The following TLN2 variants were observed in gnomAD, a reference collection of about 807,000 sequenced individuals.
TLN2 encodes the protein talin 2.
A neutral mutation model predicts 294.7 loss-of-function variants in TLN2; 118 were observed. That is an observed-to-expected ratio of 0.40 (90% CI 0.34 to 0.47). The LOEUF (loss-of-function observed/expected upper bound fraction) is 0.47. Among genes scored for constraint, TLN2 ranks in the 20% least tolerant of loss-of-function variants. TLN2 has a pLI of 0.84. For synonymous variants in TLN2, 1,431 were observed against 1,304.5 expected (o/e 1.10, Z -2.09); for missense variants, 3,083 against 3,282.2 (o/e 0.94, Z 1.48).
At chr15:62,817,814 C>CTTTTTT (rs1179496167) in intron 52 of TLN2, among the ~76,000 whole-genome samples, 16 of 115,742 alleles carry the variant, frequency 1.4e-4, no homozygotes, top group East Asian at 2.5e-4. Context: ...TCCATTCTAT[C>CTTTTTT]TTTTTTTTTT....
chr15:62,689,492 A>G (rs1218874122), intron 12 of TLN2, among the ~76,000 whole-genome samples: 4 of 152,146 alleles, frequency 2.6e-5, no homozygotes, highest in Admixed American at 2.0e-4. Context: ...TTGCCTTTCT[A>G]AAGTTCCCAG....
chr15:62,727,558 A>G (rs1313266687), intron 28 of TLN2, among the ~76,000 whole-genome samples: 1 of 152,242 alleles, frequency 6.6e-6, no homozygotes, highest in Non-Finnish European at 1.5e-5. Flanking sequence ...ATGGAAGGAG[A>G]CAGATGCGTG....
chr15:62,418,040 A>G (rs1264018994), intron 1 of TLN2, among the ~76,000 whole-genome samples: 1 of 152,232 alleles, frequency 6.6e-6, no homozygotes, highest in African/African-American at 2.4e-5. Flanking sequence ...TGGCAAGGTG[A>G]GGAAGGAAGG....
At position 62,755,631 on chromosome 15, in the gene TLN2, C is replaced by T; in HGVS notation, c.4576C>T (p.His1526Tyr). The change falls in exon 37 of 59, where the codon CAC becomes TAC. Residue 1526 changes from histidine to tyrosine, a missense_variant. By Grantham distance (83) the His-to-Tyr change is moderately conservative. Coordinates refer to ENST00000636159, the MANE Select transcript of TLN2 (RefSeq NM_015059.3). ...SKTANPVAKR[H>Y]FVQSAKEVAN... ...GACGGCCAACCCAGTAGCCAAGAGGCACTTCGTCCAGTCAGCCAAGGAAGT... is the reference window on the plus strand; with the variant it reads ...GACGGCCAACCCAGTAGCCAAGAGGTACTTCGTCCAGTCAGCCAAGGAAGT... 1 of 1,614,244 alleles carries T rather than the reference C, an allele frequency of 6.2e-7. No homozygotes were observed. The highest frequency in any genetic ancestry group is 1.6e-4 in the Middle Eastern group (1 of 6,062).
chr15:62,571,083 TG>T (rs1401533500), intron 1 of TLN2, among the ~76,000 whole-genome samples: 10 of 152,252 alleles, frequency 6.6e-5, no homozygotes, highest in African/African-American at 2.4e-4. Context: ...CATGATTGGC[TG>T]TTCACTTTTA....
At chr15:62,585,010 C>T (rs2045469662) in intron 1 of TLN2, among the ~76,000 whole-genome samples, 2 of 152,154 alleles carry the variant, frequency 1.3e-5, no homozygotes, top group Admixed American at 1.3e-4. Context: ...TTTTTACACA[C>T]ATGCAGTTGA....
At chr15:62,772,505 G>A (rs1047894161) in intron 42 of TLN2, among the ~76,000 whole-genome samples, 2 of 152,142 alleles carry the variant, frequency 1.3e-5, no homozygotes, top group Non-Finnish European at 2.9e-5. Flanking sequence ...CACCCTCAAA[G>A]GGGTGCCTCC....
At chr15:62,520,958 T>C (rs1437258870) in intron 1 of TLN2, among the ~76,000 whole-genome samples, 1 of 152,212 alleles carries the variant, frequency 6.6e-6, no homozygotes, top group East Asian at 1.9e-4. Context: ...AAATTAGACG[T>C]GCAAAAAGCT....
intron 2 of TLN2, among the ~76,000 whole-genome samples, chr15:62,600,264 A>G (rs1312875339): frequency 6.6e-6 from 1 of 152,224 alleles, no homozygotes; most frequent in Non-Finnish European, 1.5e-5. Context: ...TCTTTCCAGG[A>G]TGAGTAAAAT....
At chr15:62,525,111 C>T (rs1322838459) in intron 1 of TLN2, among the ~76,000 whole-genome samples, 7 of 152,222 alleles carry the variant, frequency 4.6e-5, no homozygotes, top group Non-Finnish European at 8.8e-5. Flanking sequence ...CTGTAAGGCA[C>T]TTGCCCAAGG....
At chr15:62,572,589 A>T (rs150480613) in intron 1 of TLN2, among the ~76,000 whole-genome samples, 1 of 152,150 alleles carries the variant, frequency 6.6e-6, no homozygotes, top group Non-Finnish European at 1.5e-5. Flanking sequence ...AAACTTTTCT[A>T]TGCCAGTATC....
At chr15:62,787,418 A>G (rs998234907) in intron 45 of TLN2, among the ~76,000 whole-genome samples, 4 of 152,154 alleles carry the variant, frequency 2.6e-5, no homozygotes, top group South Asian at 2.1e-4. Context: ...AAAACTTCAT[A>G]AAGACCAGGC....
intron 1 of TLN2, among the ~76,000 whole-genome samples, chr15:62,544,492 A>C (rs1265046040): frequency 6.6e-6 from 1 of 152,220 alleles, no homozygotes; most frequent in Non-Finnish European, 1.5e-5. Context: ...CACCTGGAAG[A>C]AAAACCAACA....
intron 1 of TLN2, among the ~76,000 whole-genome samples, chr15:62,484,939 C>CTG (rs1384256742): frequency 6.6e-6 from 1 of 152,204 alleles, no homozygotes; most frequent in East Asian, 1.9e-4. Context: ...TCTCACTGGG[C>CTG]TGGAATCAAG....
At chr15:62,647,686 G>C (rs761693834) in intron 4 of TLN2, among the ~76,000 whole-genome samples, 9 of 152,084 alleles carry the variant, frequency 5.9e-5, no homozygotes, top group Non-Finnish European at 1.0e-4. Flanking sequence ...CCATGCATGA[G>C]GATTATGCTC....
intron 26 of TLN2, among the ~76,000 whole-genome samples, chr15:62,724,685 A>G (rs1016043074): frequency 1.3e-5 from 2 of 152,176 alleles, no homozygotes; most frequent in South Asian, 2.1e-4. Context: ...CAGTGAATAA[A>G]TGATCCACTG....
At chr15:62,469,900 T>A (rs570012925) in intron 1 of TLN2, among the ~76,000 whole-genome samples, 13 of 152,166 alleles carry the variant, frequency 8.5e-5, no homozygotes, top group African/African-American at 3.1e-4. Flanking sequence ...TTTCCTGAGC[T>A]CAAAATGGGC....
intron 9 of TLN2, among the ~76,000 whole-genome samples, chr15:62,671,471 G>C (rs756709614): frequency 1.3e-5 from 2 of 152,068 alleles, no homozygotes; most frequent in African/African-American, 2.4e-5. Context: ...TGTGAAGTAG[G>C]GGGTCCAATT....
chr15:62,768,045 G>A (rs182013233), intron 41 of TLN2, among the ~76,000 whole-genome samples: 45 of 152,190 alleles, frequency 3.0e-4, no homozygotes, highest in African/African-American at 9.2e-4. Context: ...CAGTCGGTGC[G>A]CCCTCTATCC....
Sources: allele counts gnomAD v4.1 joint callset (sites outside exome capture counted in the v4.1 genomes callset), GRCh38; gene constraint gnomAD v4.1.1; transcripts MANE v1.5; gene names NCBI Gene and HGNC (gene_info 2026-07-23, HGNC 2026-07-21).